MAST1: variants seen among roughly 807,000 people sequenced by gnomAD.
MAST1 encodes microtubule associated serine/threonine kinase 1.
MAST1 carries 40 observed loss-of-function variants against 124.6 expected under a neutral mutation model. The observed-to-expected ratio is 0.32, with a 90% CI of 0.25 to 0.42. The LOEUF is 0.42. Among genes scored for constraint, MAST1 ranks in the 10% least tolerant of loss-of-function variants. The probability of loss-of-function intolerance (pLI) is 1.00; values close to 1 mark genes in which losing one functional copy is unlikely to be tolerated. For missense variants in MAST1, 1,558 were observed against 2,181.9 expected, an observed-to-expected ratio of 0.71 and a Z score of 5.70; for synonymous variants, 938 against 939.4, an observed-to-expected ratio of 1.00 and a Z score of 0.03.
Position 12,866,066 on chromosome 19 carries a change from C to T in MAST1, c.1993C>T (p.His665Tyr). ...LLRQKAEFIP[H>Y]LESEDDTSYF... ...GAGGCAGAAGGCCGAGTTCATCCCC[C>T]ACCTAGAGTCGGAAGATGACACTAG... Residue 665 changes from histidine to tyrosine, a missense_variant, in exon 17 of 26, where the codon CAC becomes TAC. His to Tyr is a moderately conservative substitution (Grantham distance 83, BLOSUM62 2). Around this residue, in one of 10 missense-constraint regions of MAST1, gnomAD observed 145 missense variants for 350.0 expected, o/e 0.41. Transcript: ENST00000251472. This position sits in a 1 kb window ranked among gnomAD's most constrained non-coding sequence, Gnocchi z 5.2. 1 of 1,614,152 alleles carries T rather than the reference C, an allele frequency of 6.2e-7. No homozygotes were observed. The highest frequency in any genetic ancestry group is 8.5e-7 in the Non-Finnish European group (1 of 1,180,038).
rs375859312 is a variant in MAST1 at position 12,869,190 on chromosome 19, C to T, written c.2898C>T (p.Ser966=). 21 of 1,614,078 alleles carry T rather than the reference C, an allele frequency of 1.3e-5. No individual in the cohort carries two copies. In the Admixed American group the frequency reaches 3.0e-4, roughly 23 times the overall value. ...CACCAGCTGTCAGTGGGCTCCGCTC[C>T]CCCATCACCATCCAGCGCTCGGGCA... ...DYSPAVSGLR[S]PITIQRSGKK... The change falls in exon 22 of 26, where the codon TCC becomes TCT. Residue 966 remains serine (S), a synonymous_variant. Coordinates refer to ENST00000251472, the MANE Select transcript of MAST1 (RefSeq NM_014975.3).
At chr19:12,864,665 T>C (rs1246895735) in intron 12 of MAST1, 144 bp from the exon 13 acceptor site, 4 of 1,047,416 alleles carry the variant, frequency 3.8e-6, no homozygotes, top group East Asian at 5.0e-5. Context: ...GTAGAGGACC[T>C]GGAGGGAGGG....
rs773036067 is a variant in MAST1, at chr19:12,840,525, G to T, written c.163G>T (p.Gly55Cys). ...ACCGAGACCCCACTCCCCGCTGCCA[G>T]GTCACCTAGGTGAGGCCAGTGGTAG... Reference protein sequence around the residue: ...TLPRPHSPLPGHLGSSPLDSP... With the variant: ...TLPRPHSPLPCHLGSSPLDSP... The change falls in exon 2 of 26, where the codon GGT becomes TGT. Residue 55 changes from glycine (G) to cysteine (C), a missense_variant. Gly to Cys is a radical substitution (Grantham distance 159, BLOSUM62 -3). Coordinates refer to ENST00000251472, the MANE Select transcript of MAST1 (RefSeq NM_014975.3). The T allele has an allele frequency of 1.2e-6, 2 of 1,613,412 alleles. No individual in the cohort carries two copies.
At chr19:12,871,294 G>A in intron 24 of MAST1, 122 bp downstream of exon 24, 6 of 1,414,844 alleles carry the variant, frequency 4.2e-6, no homozygotes, top group Non-Finnish European at 5.8e-6. Flanking sequence ...TGACCAACAA[G>A]CAAAGGGAAG....
Position 12,874,357 on chromosome 19 carries a change from T to G in MAST1, c.4200T>G (p.Thr1400=). 1 of 1,597,696 alleles carries G rather than the reference T, an allele frequency of 6.3e-7. No individual in the cohort carries two copies. Among genetic ancestry groups the G allele is most frequent in the African/African-American group, 1.3e-5 (1 of 74,934 alleles). The change falls in exon 26 of 26, where the codon ACT becomes ACG. Residue 1400 remains threonine, a synonymous_variant. Transcript: ENST00000251472. The surrounding 1 kb of genome is among the most constrained non-coding windows in gnomAD (Gnocchi z 6.6). ...RHQSVQTEDG[T]GGMARAVAKA... is the part of the protein sequence containing the mutation. ...AGAGCGTGCAGACGGAGGATGGCAC[T>G]GGCGGGATGGCCAGGGCTGTGGCCA...
intron 1 of MAST1, among the ~76,000 whole-genome samples, chr19:12,840,134 G>C (rs10411443): frequency 0.29 from 44,665 of 152,076 alleles, 7,195 homozygotes; most frequent in East Asian, 0.61. Flanking sequence ...TGAATGTCAC[G>C]CATAGACTGA....
In MAST1 at chr19:12,843,547, G is replaced by A; in HGVS notation, c.267G>A (p.Trp89Ter). Residue 89 changes from tryptophan to a stop codon, truncating the protein, a stop_gained, in exon 4 of 26, where the codon TGG (tryptophan) becomes TGA (stop). Coordinates refer to ENST00000251472, the MANE Select transcript of MAST1 (RefSeq NM_014975.3). LOFTEE classifies it high-confidence loss of function. This position sits in a 1 kb window ranked among gnomAD's most constrained non-coding sequence, Gnocchi z 4.9. Reference protein sequence around the residue: ...ASSRRADGRRWSLASLPSSGY... With the variant: ...ASSRRADGRR ...GTTCCAGGGCGGACGGACGCCGGTG[G>A]TCTCTGGCCTCGCTCCCTTCATCTG... 1 of 1,613,630 alleles carries A rather than the reference G, an allele frequency of 6.2e-7. No homozygotes were observed. Among genetic ancestry groups the A allele is most frequent in the Non-Finnish European group, 8.5e-7 (1 of 1,179,852 alleles).
Position 12,864,891 on chromosome 19 carries a change from A to T in MAST1, c.1449A>T (p.Leu483=), listed in dbSNP as rs758693512. 54 of 1,614,020 alleles carry T rather than the reference A, an allele frequency of 3.3e-5. No homozygotes were observed. Among genetic ancestry groups the T allele is most frequent in the Non-Finnish European group, 4.2e-5 (50 of 1,180,042 alleles). The change falls in exon 13 of 26, where the codon CTA becomes CTT. Residue 483 remains leucine, a synonymous_variant. Coordinates refer to ENST00000251472, the MANE Select transcript of MAST1 (RefSeq NM_014975.3). ...MARMYFAETV[L]ALEYLHNYGI... is the part of the protein sequence containing the mutation. ...GCATGTACTTTGCTGAGACGGTGCTAGCCCTGGAGTATTTGCACAACTATG... is the reference window on the plus strand; with the variant it reads ...GCATGTACTTTGCTGAGACGGTGCTTGCCCTGGAGTATTTGCACAACTATG...
In MAST1 at chr19:12,867,666, T is replaced by G. The variant is rs376514566; in HGVS notation, c.2318+14T>G. 1.8e-4 allele frequency: 281 copies of G among 1,560,160 alleles called. No individual in the cohort carries two copies. Among genetic ancestry groups the G allele is most frequent in the Non-Finnish European group, 2.3e-4 (271 of 1,153,758 alleles). On this transcript the variant is annotated intron_variant, in intron 19 of 25. Coordinates refer to ENST00000251472, the MANE Select transcript of MAST1 (RefSeq NM_014975.3). ...CTCTCCGGAGATGTGAGCAGGGGAA[T>G]GGCGGAGTTTGGGGGCGGGGTCGAA...
Position 12,847,896 on chromosome 19 carries a change from G to C in MAST1, c.613G>C (p.Glu205Gln). The C allele has an allele frequency of 1.2e-6, 2 of 1,613,730 alleles. No homozygotes were observed. Among genetic ancestry groups the C allele is most frequent in the Non-Finnish European group, 1.7e-6 (2 of 1,179,872 alleles). ...EKLRDFTRAYEPDSVLPLADG... is the reference protein window; with the variant it reads ...EKLRDFTRAYQPDSVLPLADG... ...GCTGCGCGACTTTACCCGCGCCTAC[G>C]AACCCGACAGCGTTCTGCCTCTGGC... The change falls in exon 7 of 26, where the codon GAA becomes CAA. Residue 205 changes from glutamate (E) to glutamine (Q), a missense_variant. Coordinates refer to ENST00000251472, the MANE Select transcript of MAST1 (RefSeq NM_014975.3). The surrounding 1 kb of genome is among the most constrained non-coding windows in gnomAD (Gnocchi z 5.5).
intron 4 of MAST1, among the ~76,000 whole-genome samples, chr19:12,846,958 C>G (rs1165022605): frequency 2.0e-5 from 3 of 150,986 alleles, no homozygotes. Context: ...ACGGCAGGGA[C>G]CCAGGGCAGG....
chr19:12,868,361 G>T (rs1970189190), intron 20 of MAST1, among the ~76,000 whole-genome samples: 1 of 151,892 alleles, frequency 6.6e-6, no homozygotes, highest in African/African-American at 2.4e-5. Flanking sequence ...TGCCTTCCTT[G>T]GCCTACCAAA....
Position 12,865,127 on chromosome 19 carries a change from C to T in MAST1, c.1587C>T (p.Asn529=), listed in dbSNP as rs1970135711. 6.2e-7 allele frequency: 1 copy of T among 1,614,142 alleles called. No individual in the cohort carries two copies. The highest frequency in any genetic ancestry group is 1.3e-5 in the African/African-American group (1 of 75,056). ...TGGGGCTCATGAGCCTCACCACCAA[C>T]TTATATGAAGGCCACATCGAGAAGG... is the stretch of plus-strand genomic sequence containing the variant. ...SKMGLMSLTT[N]LYEGHIEKDA... Residue 529 remains asparagine, a synonymous_variant, in exon 14 of 26, where the codon AAC becomes AAT. Coordinates refer to ENST00000251472, the MANE Select transcript of MAST1 (RefSeq NM_014975.3). This position sits in a 1 kb window ranked among gnomAD's most constrained non-coding sequence, Gnocchi z 7.1.
At chr19:12,860,918 T>C (rs1387277251) in intron 12 of MAST1, among the ~76,000 whole-genome samples, 1 of 151,856 alleles carries the variant, frequency 6.6e-6, no homozygotes, top group Non-Finnish European at 1.5e-5. Flanking sequence ...GAACACCTCC[T>C]CATCATCTCC....
rs1453692508 is a variant in MAST1, at chr19:12,870,291, C to T, written c.3004-533C>T. ...GATCACGAGGTTAGGAGTTTGAGATCAGCCTGACCAACATGGTGAAACCCC... is the reference window on the plus strand; with the variant it reads ...GATCACGAGGTTAGGAGTTTGAGATTAGCCTGACCAACATGGTGAAACCCC... On this transcript the variant is annotated intron_variant, in intron 22 of 25. Transcript: ENST00000251472. Among the ~76,000 whole-genome samples the T allele has an allele frequency of 1.7e-4, 25 of 150,908 alleles. No individual in the cohort carries two copies. In the Admixed American group the frequency reaches 1.7e-3, roughly 10 times the overall value.
chr19:12,865,176 C>T lies in MAST1; in HGVS notation c.1636C>T (p.Gln546Ter). 2 of 1,613,774 alleles carry T rather than the reference C, an allele frequency of 1.2e-6. No individual in the cohort carries two copies. Among genetic ancestry groups the T allele is most frequent in the East Asian group, 2.2e-5 (1 of 44,884 alleles). Residue 546 changes from glutamine (Q) to a stop codon, truncating the protein, a stop_gained and splice_region_variant, in exon 14 of 26, where the codon CAG becomes TAG. Coordinates refer to ENST00000251472, the MANE Select transcript of MAST1 (RefSeq NM_014975.3). LOFTEE classifies it high-confidence loss of function. This position sits in a 1 kb window ranked among gnomAD's most constrained non-coding sequence, Gnocchi z 7.1. ...EKDAREFLDK[Q>*]VCGTPEYIAP... ...GGACGCCCGAGAGTTCCTGGACAAA[C>T]AGGTGTGTGTGCGGGCATGGGGGTC... is the stretch of plus-strand genomic sequence containing the variant.
At position 12,873,700 on chromosome 19, in the gene MAST1, C is replaced by T. The variant is rs150860578; in HGVS notation, c.3543C>T (p.His1181=). The T allele has an allele frequency of 1.1e-4, 180 of 1,601,930 alleles. No homozygotes were observed. In the African/African-American group the frequency reaches 2.1e-3, roughly 19 times the overall value. Residue 1181 remains histidine, a synonymous_variant, in exon 26 of 26, where the codon CAC becomes CAT. Transcript: ENST00000251472. ...ACCACATTCGGCCCAGCACGCTGCA[C>T]GGACTGTCGCCAAAGCTCCATCGCC... is the stretch of plus-strand genomic sequence containing the variant. ...ASHHIRPSTL[H]GLSPKLHRQY...
intron 4 of MAST1, among the ~76,000 whole-genome samples, chr19:12,845,308 C>T (rs1969878461): frequency 6.8e-6 from 1 of 147,044 alleles, no homozygotes; most frequent in African/African-American, 2.5e-5. Context: ...GGCATGGTGG[C>T]TCACACCTGT....
rs913964415 is a variant in MAST1, at chr19:12,841,202, C to T, written c.248+136C>T. On this transcript the variant is annotated intron_variant, in intron 3 of 25. Transcript: ENST00000251472. The surrounding 1 kb of genome is among the most constrained non-coding windows in gnomAD (Gnocchi z 4.3). ...ACCAGCGAGTGCCCCAAGGTCTCAG[C>T]GGGAAGGAGCGCCTAGCCTTCGGGG... is the stretch of plus-strand genomic sequence containing the variant. The T allele has an allele frequency of 3.4e-6, 2 of 583,516 alleles. No individual in the cohort carries two copies. The highest frequency in any genetic ancestry group is 6.3e-6 in the Non-Finnish European group (2 of 319,564). The allele number at this position is 583,516 out of a possible 1,614,324, so 36.1% of individuals were successfully genotyped here.
Sources: allele counts gnomAD v4.1 joint callset (sites outside exome capture counted in the v4.1 genomes callset), GRCh38; gene constraint gnomAD v4.1.1; regional missense constraint gnomAD v4.1.1; non-coding constraint Gnocchi (gnomAD v3.1); transcripts MANE v1.5; gene names NCBI Gene and HGNC (gene_info 2026-07-23, HGNC 2026-07-21).